Variants in ABR observed in about 807,000 individuals in gnomAD.
ABR encodes the protein ABR activator of RhoGEF and GTPase, also known as active breakpoint cluster region-related protein.
In ABR, 35 loss-of-function variants were observed where a neutral mutation model predicts 107.2. That is an observed-to-expected ratio of 0.33 (90% CI 0.25 to 0.43). ABR has a LOEUF of 0.43. Ranked by LOEUF, ABR falls within the 20% of genes least tolerant of loss-of-function variation. The pLI is 1.00. For missense variants in ABR, 815 were observed against 1,115.2 expected, an observed-to-expected ratio of 0.73 and a Z score of 3.83; for synonymous variants, 498 against 462.0, an observed-to-expected ratio of 1.08 and a Z score of -1.00.
In ABR at chr17:1,010,440, C is replaced by A; in HGVS notation, c.2236+289G>T. ...GGCCACTCACCTCAGGGCAGTCTTC[C>A]CTGGATGCTCGAGCTTCCAAGCAAG... On this transcript the variant is annotated intron_variant, in intron 20 of 22. Transcript: ENST00000302538. This position sits in a 1 kb window ranked among gnomAD's most constrained non-coding sequence, Gnocchi z 4.1. 2.2e-6 allele frequency: 1 copy of A among 446,716 alleles called. No individual in the cohort carries two copies. Among genetic ancestry groups the A allele is most frequent in the Non-Finnish European group, 4.1e-6 (1 of 243,014 alleles). The allele number at this position is 446,716 out of a possible 1,614,324, so 27.7% of individuals were successfully genotyped here.
intron 2 of ABR, among the ~76,000 whole-genome samples, chr17:1,102,259 C>T (rs905390781): frequency 1.3e-5 from 2 of 152,156 alleles, no homozygotes; most frequent in Non-Finnish European, 2.9e-5. Context: ...CCTAAAATGC[C>T]ATCTTTCCCT....
intron 1 of ABR, among the ~76,000 whole-genome samples, chr17:1,177,527 A>G (rs1482740647): frequency 6.6e-6 from 1 of 152,218 alleles, no homozygotes; most frequent in East Asian, 1.9e-4. Flanking sequence ...TCCTCTGGTC[A>G]GGAATTTTCA....
chr17:1,040,747 C>A (rs576439337), intron 16 of ABR, among the ~76,000 whole-genome samples: 173 of 152,158 alleles, frequency 1.1e-3, no homozygotes, highest in Non-Finnish European at 2.1e-3. Context: ...GTTTCATGGA[C>A]CCTCACATTC....
chr17:1,132,066 C>T (rs762035733), intron 1 of ABR, among the ~76,000 whole-genome samples: 22 of 152,220 alleles, frequency 1.4e-4, no homozygotes, highest in Non-Finnish European at 2.9e-4. Context: ...CTAGAAAACC[C>T]TCCTTGCTGG....
At chr17:1,208,442 C>T (rs1242364480) in intron 1 of ABR, among the ~76,000 whole-genome samples, 1 of 152,208 alleles carries the variant, frequency 6.6e-6, no homozygotes, top group African/African-American at 2.4e-5. Flanking sequence ...CTGCATGCCA[C>T]GGTCCCCTGT....
In ABR at chr17:1,210,298, G is replaced by A. The variant is rs1250435296; in HGVS notation, c.838+18495C>T. 1.3e-5 allele frequency among the ~76,000 whole-genome samples: 2 copies of A among 152,206 alleles called. No individual in the cohort carries two copies. The highest frequency in any genetic ancestry group is 4.8e-5 in the African/African-American group (2 of 41,444). On this transcript the variant is annotated intron_variant, in intron 1 of 22. Coordinates refer to the ABR transcript ENST00000574139. The surrounding 1 kb of genome is among the most constrained non-coding windows in gnomAD (Gnocchi z 5.6). ...GGCCGAGGTGGGTGAATCACCTGAG[G>A]TCAAGAGTTCAAGACCAGCCTGGCC...
Position 1,011,709 on chromosome 17 carries a change from G to A in ABR, c.2101+137C>T. ...GGAGGGGAGGGGATTACAAGAGAAA[G>A]CACTTGCCACGGGGACTCTGAAGCA... is the stretch of plus-strand genomic sequence containing the variant. On this transcript the variant is annotated intron_variant, in intron 19 of 22. Coordinates refer to ENST00000302538, the MANE Select transcript of ABR (RefSeq NM_021962.5). The surrounding 1 kb of genome is among the most constrained non-coding windows in gnomAD (Gnocchi z 4.8). 9.0e-7 allele frequency: 1 copy of A among 1,113,424 alleles called. No individual in the cohort carries two copies. The highest frequency in any genetic ancestry group is 1.2e-6 in the Non-Finnish European group (1 of 817,468). The allele number at this position is 1,113,424 out of a possible 1,614,324, so 69.0% of individuals were successfully genotyped here. A position where few individuals can be genotyped will look rare whatever the true frequency, so the allele number is the denominator to read the frequency against.
chr17:1,073,668 T>C lies in ABR; in HGVS notation c.710A>G (p.Tyr237Cys). Residue 237 changes from tyrosine to cysteine, a missense_variant, in exon 7 of 23, where the codon TAC (tyrosine) becomes TGC (cysteine). This residue lies in a region of ABR where 385 missense variants were observed against 596.9 expected (regional missense o/e 0.64). Transcript: ENST00000302538. ...CCGAGTGACCCGGTCAATGGGCTTGTAGAGCAGAGCTGTCGGGGGAGACAG... is the reference window on the plus strand; with the variant it reads ...CCGAGTGACCCGGTCAATGGGCTTGCAGAGCAGAGCTGTCGGGGGAGACAG... The part of the protein sequence containing the change: ...HTSVTMEALL[Y>C]KPIDRVTRST... 1 of 1,606,046 alleles carries C rather than the reference T, an allele frequency of 6.2e-7. No homozygotes were observed. Among genetic ancestry groups the C allele is most frequent in the Non-Finnish European group, 8.5e-7 (1 of 1,175,274 alleles).
At chr17:1,145,127 C>T (rs752808939) in intron 1 of ABR, among the ~76,000 whole-genome samples, 3 of 152,198 alleles carry the variant, frequency 2.0e-5, no homozygotes, top group Non-Finnish European at 2.9e-5. Flanking sequence ...GTCTTCCCCG[C>T]GAGGTGGTGG....
At chr17:1,086,586 C>T (rs774017075) in intron 4 of ABR, among the ~76,000 whole-genome samples, 14 of 152,082 alleles carry the variant, frequency 9.2e-5, no homozygotes, top group Non-Finnish European at 1.3e-4. Flanking sequence ...CTGCAAACTC[C>T]GCCTCCTGGG....
At chr17:1,125,091 C>T (rs2039530708) in intron 2 of ABR, 92 bp downstream of exon 2, 2 of 1,368,588 alleles carry the variant, frequency 1.5e-6, no homozygotes, top group Non-Finnish European at 2.0e-6. Flanking sequence ...GTCCCAATCT[C>T]TCGAGACCAA....
At chr17:1,127,304 G>C (rs367818799) in intron 1 of ABR, among the ~76,000 whole-genome samples, 4 of 152,108 alleles carry the variant, frequency 2.6e-5, no homozygotes, top group Non-Finnish European at 2.9e-5. Context: ...ACTGAGACGC[G>C]TGTACGCCAC....
chr17:1,056,598 C>G (rs921389335), intron 13 of ABR, among the ~76,000 whole-genome samples: 10 of 152,166 alleles, frequency 6.6e-5, no homozygotes, highest in African/African-American at 1.4e-4. Flanking sequence ...AAAACCCCCC[C>G]AGACTCCCGG....
chr17:1,108,897 G>GA (rs1567771878), intron 2 of ABR: 17 of 1,546,948 alleles, frequency 1.1e-5, no homozygotes, highest in Middle Eastern at 1.7e-4. Context: ...GCGCCGGCCC[G>GA]GCCCCCCCCA....
At chr17:1,080,334 G>A (rs1221588710) in intron 5 of ABR, among the ~76,000 whole-genome samples, 1 of 152,188 alleles carries the variant, frequency 6.6e-6, no homozygotes, top group African/African-American at 2.4e-5. Context: ...GCAGCAGGTA[G>A]TGAGTACTGG....
At chr17:1,181,631 C>G (rs1034069803), upstream of ABR, among the ~76,000 whole-genome samples, 8 of 152,192 alleles carry the variant, frequency 5.3e-5, no homozygotes, top group Non-Finnish European at 1.0e-4. Context: ...AGAAATAGAG[C>G]TTCGGCATGG....
At chr17:1,212,041 C>T (rs1006954300) in intron 1 of ABR, among the ~76,000 whole-genome samples, 2 of 151,530 alleles carry the variant, frequency 1.3e-5, no homozygotes, top group African/African-American at 2.4e-5. Flanking sequence ...GAGATTGCAC[C>T]GCTGCACTCT....
chr17:1,005,341 T>G lies in ABR; in HGVS notation c.*739A>C. ...AAGTGGAGATTCCCAAACGGAAAAT[T>G]CCAGAAATGGGCGCTCCAGCTCTGT... On this transcript the variant is annotated 3_prime_UTR_variant, in exon 23 of 23. Transcript: ENST00000302538. 5.1e-6 allele frequency: 2 copies of G among 394,706 alleles called. No homozygotes were observed. The highest frequency in any genetic ancestry group is 7.2e-5 in the East Asian group (2 of 27,900). The allele number at this position is 394,706 out of a possible 1,614,324, so 24.5% of individuals were successfully genotyped here.
Position 1,054,638 on chromosome 17 carries a change from G to A in ABR, c.1561+1397C>T, listed in dbSNP as rs184761165. ...GGAACCTCAGGGGATGTGGGCACAAGGAACCTCAGGGGATGGGGGCACAAG... is the reference window on the plus strand; with the variant it reads ...GGAACCTCAGGGGATGTGGGCACAAAGAACCTCAGGGGATGGGGGCACAAG... On this transcript the variant is annotated intron_variant, in intron 14 of 22. Transcript: ENST00000302538. 9.1e-4 allele frequency among the ~76,000 whole-genome samples: 6 copies of A among 6,604 alleles called. 1 individual carries two copies. Among genetic ancestry groups the A allele is most frequent in the Non-Finnish European group, 1.4e-3 (5 of 3,640 alleles). 4.3% of individuals were successfully genotyped at this position (6,604 alleles called of 152,430 possible).
Sources: allele counts gnomAD v4.1 joint callset (sites outside exome capture counted in the v4.1 genomes callset), GRCh38; gene constraint gnomAD v4.1.1; regional missense constraint gnomAD v4.1.1; non-coding constraint Gnocchi (gnomAD v3.1); transcripts MANE v1.5; gene names NCBI Gene and HGNC (gene_info 2026-07-23, HGNC 2026-07-21).